Variants in TTYH2 observed in about 807,000 individuals in gnomAD.
The protein encoded by TTYH2 is tweety family member 2.
TTYH2 carries 49 observed loss-of-function variants against 68.3 expected under a neutral mutation model. The observed-to-expected ratio is 0.72, with a 90% CI of 0.57 to 0.91. The LOEUF (loss-of-function observed/expected upper bound fraction) is 0.91. TTYH2 is among the 40% of genes least tolerant of loss of function. The probability of loss-of-function intolerance (pLI) is 0.00; values close to 1 mark genes in which losing one functional copy is unlikely to be tolerated. For synonymous variants in TTYH2, 272 were observed against 300.8 expected (o/e 0.90, Z 0.99); for missense variants, 631 against 700.4 (o/e 0.90, Z 1.12).
In TTYH2 at chr17:74,252,412, C is replaced by T. The variant is rs776590716; in HGVS notation, c.1259+36C>T. 8.7e-6 allele frequency: 14 copies of T among 1,605,114 alleles called. No homozygotes were observed. In the South Asian group the frequency reaches 1.4e-4, roughly 16 times the overall value. On this transcript the variant is annotated intron_variant, in intron 11 of 13. Transcript: ENST00000269346. ...TAGTAAGGAGGGGAGCCTCCCACAG[C>T]CTGGAGTTCTGGGAGAGCAGCAGAC...
intron 2 of TTYH2, among the ~76,000 whole-genome samples, chr17:74,228,464 G>A (rs972779073): frequency 1.3e-4 from 20 of 152,354 alleles, no homozygotes; most frequent in Middle Eastern, 3.4e-3. Context: ...CTCAAGTGGT[G>A]CAGGTCAGAT....
At chr17:74,216,558 G>A (rs890939294) in intron 1 of TTYH2, among the ~76,000 whole-genome samples, 5 of 152,320 alleles carry the variant, frequency 3.3e-5, no homozygotes, top group Non-Finnish European at 5.9e-5. Context: ...TTTGGGAGCC[G>A]TGAAAGCCCC....
chr17:74,252,430 C>G, intron 11 of TTYH2, 54 bp downstream of exon 11: 2 of 1,587,646 alleles, frequency 1.3e-6, no homozygotes, highest in Admixed American at 3.5e-5. Context: ...TCTGGGAGAG[C>G]AGCAGACAGG....
At chr17:74,257,619 A>G (rs760368752) in intron 13 of TTYH2, among the ~76,000 whole-genome samples, 11 of 152,154 alleles carry the variant, frequency 7.2e-5, no homozygotes, top group Admixed American at 5.2e-4. Flanking sequence ...ATCGGGATAT[A>G]CAGCCTGTCC....
rs768844545 is a variant in TTYH2 at position 74,215,022 on chromosome 17, G to C, written c.129+1306G>C. Among the ~76,000 whole-genome samples the C allele has an allele frequency of 6.6e-6, 1 of 152,154 alleles. No homozygotes were observed. Among genetic ancestry groups the C allele is most frequent in the Non-Finnish European group, 1.5e-5 (1 of 68,010 alleles). The stretch of plus-strand genomic sequence containing the variant: ...TTCAGTGGGCACTCAGGAGCAAGAC[G>C]GCAGTCGGTGGACCCACCCCCCTCC... On this transcript the variant is annotated intron_variant, in intron 1 of 13. Transcript: ENST00000269346. The surrounding 1 kb of genome is among the most constrained non-coding windows in gnomAD (Gnocchi z 4.3).
At chr17:74,238,595 G>T (rs959251250) in intron 4 of TTYH2, among the ~76,000 whole-genome samples, 3 of 152,042 alleles carry the variant, frequency 2.0e-5, no homozygotes, top group Non-Finnish European at 4.4e-5. Flanking sequence ...AGCTGGGACT[G>T]GTGGCTCACA....
At chr17:74,221,403 C>CG (rs2050274083) in intron 1 of TTYH2, among the ~76,000 whole-genome samples, 1 of 152,176 alleles carries the variant, frequency 6.6e-6, no homozygotes, top group Admixed American at 6.5e-5. Flanking sequence ...CCCCTTAGAC[C>CG]GCAGGGTCCT....
intron 6 of TTYH2, among the ~76,000 whole-genome samples, chr17:74,247,581 G>C (rs1053731649): frequency 2.0e-5 from 3 of 152,186 alleles, no homozygotes; most frequent in Non-Finnish European, 4.4e-5. Flanking sequence ...GGAGCCTCCT[G>C]TCCCTCTCCT....
In TTYH2 at chr17:74,260,398, T is replaced by C; in HGVS notation, c.*189T>C. On this transcript the variant is annotated 3_prime_UTR_variant, in exon 14 of 14. Coordinates refer to ENST00000269346, the MANE Select transcript of TTYH2 (RefSeq NM_032646.6). ...AGAAGACTCACCACGCGGGCCAGCC[T>C]CTCTCTTTTGCCCTGCTCTCCACAC... The C allele has an allele frequency of 3.3e-6, 2 of 613,734 alleles. No homozygotes were observed. Among genetic ancestry groups the C allele is most frequent in the Non-Finnish European group, 5.8e-6 (2 of 343,696 alleles). The allele number at this position is 613,734 out of a possible 1,614,324, so 38.0% of individuals were successfully genotyped here.
At chr17:74,243,312 C>A in intron 4 of TTYH2, 62 bp from the exon 5 acceptor site, 1 of 1,390,984 alleles carries the variant, frequency 7.2e-7, no homozygotes, top group Non-Finnish European at 1.0e-6. Flanking sequence ...AGGCCTCTCA[C>A]GTGGCCAGCA....
chr17:74,253,954 CACTAAACCAG>C, intron 13 of TTYH2, 121 bp downstream of exon 13: 2 of 1,079,242 alleles, frequency 1.9e-6, no homozygotes, highest in Non-Finnish European at 2.8e-6. Flanking sequence ...ATTGAATATG[CACTAAACCAG>C]ACCGTCGTGG....
chr17:74,237,312 A>C lies in TTYH2; in HGVS notation c.433A>C (p.Lys145Gln). ...IDALVSGTTQKMKVDLEQHLA... is the reference protein window; with the variant it reads ...IDALVSGTTQQMKVDLEQHLA... ...TCCCTAGGTTTCCGGAACTACCCAG[A>C]AGATGAAGGTGGACCTAGAGCAGCA... The change falls in exon 4 of 14, where the codon AAG becomes CAG. Residue 145 changes from lysine (K) to glutamine (Q), a missense_variant. Physicochemically the swap from Lys to Gln is moderately conservative, Grantham distance 53. Coordinates refer to ENST00000269346, the MANE Select transcript of TTYH2 (RefSeq NM_032646.6). 1 of 1,614,076 alleles carries C rather than the reference A, an allele frequency of 6.2e-7. No individual in the cohort carries two copies. Among genetic ancestry groups the C allele is most frequent in the South Asian group, 1.1e-5 (1 of 91,072 alleles).
intron 12 of TTYH2, 45 bp from the exon 13 acceptor site, chr17:74,253,710 C>T: frequency 6.3e-7 from 1 of 1,590,622 alleles, no homozygotes; most frequent in Non-Finnish European, 8.6e-7. Context: ...CACACACCCC[C>T]ACTCCCACAC....
chr17:74,250,649 C>T lies in TTYH2; in HGVS notation c.1116+292C>T, dbSNP rs2050613842. 9.1e-6 allele frequency: 3 copies of T among 328,752 alleles called. No individual in the cohort carries two copies. The South Asian group carries it at 2.3e-4, about 25-fold the overall frequency. The allele number at this position is 328,752 out of a possible 1,614,324, so 20.4% of individuals were successfully genotyped here. A position where few individuals can be genotyped will look rare whatever the true frequency, so the allele number is the denominator to read the frequency against. On this transcript the variant is annotated intron_variant, in intron 10 of 13. Coordinates refer to ENST00000269346, the MANE Select transcript of TTYH2 (RefSeq NM_032646.6). ...TGCAAGGGAGGCTGTTCCCCATTGT[C>T]CAGACTCCTAGCCATTTCCTCAACA...
In TTYH2 at chr17:74,241,339, C is replaced by T. The variant is rs1044108771; in HGVS notation, c.636-2035C>T. Among the ~76,000 whole-genome samples, 17 of 151,056 alleles carry T rather than the reference C, an allele frequency of 1.1e-4. No homozygotes were observed. The highest frequency in any genetic ancestry group is 3.9e-4 in the African/African-American group (16 of 41,088). On this transcript the variant is annotated intron_variant, in intron 4 of 13. Transcript: ENST00000269346. The surrounding 1 kb of genome is among the most constrained non-coding windows in gnomAD (Gnocchi z 4.1). Reference sequence around the variant, plus strand: ...TGTGATCCAAACACTAGATGGTTTGCGAGGTTCCTTCCAGCTCTGAGCTAA... The same window carrying T: ...TGTGATCCAAACACTAGATGGTTTGTGAGGTTCCTTCCAGCTCTGAGCTAA...
Position 74,218,530 on chromosome 17 carries a change from TCA to T in TTYH2, c.130-3954_130-3953del, listed in dbSNP as rs796985913. 7.2e-4 allele frequency among the ~76,000 whole-genome samples: 87 copies of T among 121,310 alleles called. No individual in the cohort carries two copies. The Middle Eastern group carries it at 0.012, about 17-fold the overall frequency. The allele number at this position is 121,310 out of a possible 152,430, so 79.6% of individuals were successfully genotyped here. On this transcript the variant is annotated intron_variant, in intron 1 of 13. Coordinates refer to ENST00000269346, the MANE Select transcript of TTYH2 (RefSeq NM_032646.6). ...TGTATTTTTTTTTAAAAAAAGGAAA[TCA>T]AAAAAAAAAAAAAATGCCTCCGAGT...
chr17:74,233,037 A>T (rs764038785), intron 3 of TTYH2, among the ~76,000 whole-genome samples: 1 of 152,068 alleles, frequency 6.6e-6, no homozygotes, highest in Admixed American at 6.5e-5. Flanking sequence ...TCCCAAAGAG[A>T]AGGGTTCTGT....
rs1014164782 is a variant in TTYH2, at chr17:74,217,444, A to G, written c.129+3728A>G. Among the ~76,000 whole-genome samples, 1 of 152,168 alleles carries G rather than the reference A, an allele frequency of 6.6e-6. No homozygotes were observed. The highest frequency in any genetic ancestry group is 2.4e-5 in the African/African-American group (1 of 41,438). ...TTGGGGACTGGACCGGAACTACAGG[A>G]CTTCCTGCTTCTGACCTGGGGGCAG... is the stretch of plus-strand genomic sequence containing the variant. On this transcript the variant is annotated intron_variant, in intron 1 of 13. Transcript: ENST00000269346. This position sits in a 1 kb window ranked among gnomAD's most constrained non-coding sequence, Gnocchi z 4.0.
chr17:74,245,866 G>A (rs2050552574), intron 6 of TTYH2, among the ~76,000 whole-genome samples: 1 of 152,196 alleles, frequency 6.6e-6, no homozygotes, highest in African/African-American at 2.4e-5. Flanking sequence ...TGGGGCCAGA[G>A]GATTGACAAG....
Sources: allele counts gnomAD v4.1 joint callset (sites outside exome capture counted in the v4.1 genomes callset), GRCh38; gene constraint gnomAD v4.1.1; non-coding constraint Gnocchi (gnomAD v3.1); transcripts MANE v1.5; gene names NCBI Gene and HGNC (gene_info 2026-07-23, HGNC 2026-07-21).